GLIS1: variants seen among roughly 807,000 people sequenced by gnomAD.
GLIS1 encodes the protein GLIS family zinc finger 1.
Under a neutral mutation model 63.8 loss-of-function variants are expected in GLIS1, and 24 were observed. That is an observed-to-expected ratio of 0.38 (90% confidence interval 0.27 to 0.53). The LOEUF is 0.53. Ranked by LOEUF, GLIS1 falls within the 20% of genes least tolerant of loss-of-function variation. GLIS1 has a pLI of 0.85. For synonymous variants in GLIS1, 450 were observed against 482.5 expected (o/e 0.93, Z 0.88); for missense variants, 1,036 against 1,074.1 (o/e 0.96, Z 0.50).
At chr1:53,716,282 AG>A (rs1219480198) in intron 2 of GLIS1, among the ~76,000 whole-genome samples, 3 of 152,136 alleles carry the variant, frequency 2.0e-5, no homozygotes, top group Non-Finnish European at 4.4e-5. Flanking sequence ...TGAGAACAAC[AG>A]GGGGAGAGGG....
chr1:53,693,924 G>A (rs1210936897), intron 2 of GLIS1, among the ~76,000 whole-genome samples: 1 of 152,234 alleles, frequency 6.6e-6, no homozygotes, highest in Non-Finnish European at 1.5e-5. Context: ...GACATGAGGA[G>A]GCTGTGTCAT....
At chr1:53,643,152 G>T (rs1363074335) in intron 2 of GLIS1, among the ~76,000 whole-genome samples, 3 of 152,196 alleles carry the variant, frequency 2.0e-5, no homozygotes, top group Non-Finnish European at 4.4e-5. Flanking sequence ...GCTTCATATG[G>T]AAGGAATCAA....
intron 2 of GLIS1, among the ~76,000 whole-genome samples, chr1:53,626,487 C>A (rs1392727274): frequency 3.3e-5 from 5 of 152,218 alleles, no homozygotes; most frequent in Admixed American, 2.0e-4. Flanking sequence ...GCCGTGGAGG[C>A]CCTCCCTGAC....
chr1:53,723,958 C>T (rs144708862), intron 2 of GLIS1, among the ~76,000 whole-genome samples: 1 of 152,182 alleles, frequency 6.6e-6, no homozygotes, highest in Admixed American at 6.5e-5. Context: ...CTCTGGGTTA[C>T]CCGCTAAGGA....
rs142990976 is a variant in GLIS1 at position 53,685,648 on chromosome 1, T to G, written c.259+52158A>C. Among the ~76,000 whole-genome samples the G allele has an allele frequency of 2.8e-3, 432 of 152,332 alleles. 4 individuals are homozygous for G. Among genetic ancestry groups the G allele is most frequent in the African/African-American group, 8.8e-3 (366 of 41,568 alleles). ...CCAACAAGTTATTTCCTGAGACAAC[T>G]GTCACTTCCCTCCTTGCCTGTGACT... On this transcript the variant is annotated intron_variant, in intron 2 of 10. Transcript: ENST00000628545.
intron 2 of GLIS1, among the ~76,000 whole-genome samples, chr1:53,620,545 G>A (rs771699631): frequency 1.3e-5 from 2 of 152,252 alleles, no homozygotes; most frequent in Non-Finnish European, 2.9e-5. Context: ...CAACAAGATG[G>A]ATGTTGTTTC....
intron 4 of GLIS1, among the ~76,000 whole-genome samples, chr1:53,573,233 AT>A (rs1353156551): frequency 1.3e-5 from 2 of 152,176 alleles, no homozygotes; most frequent in East Asian, 3.9e-4. Flanking sequence ...TGGAAACCTC[AT>A]CCCTTCTGTC....
At chr1:53,573,305 A>G (rs1645001032) in intron 4 of GLIS1, among the ~76,000 whole-genome samples, 1 of 152,112 alleles carries the variant, frequency 6.6e-6, no homozygotes, top group African/African-American at 2.4e-5. Context: ...AACCTATTTC[A>G]ATAGCTTTCT....
intron 2 of GLIS1, among the ~76,000 whole-genome samples, chr1:53,687,569 G>A (rs1465128197): frequency 2.0e-5 from 3 of 152,082 alleles, no homozygotes; most frequent in African/African-American, 7.2e-5. Context: ...CCTGCTGTCG[G>A]GTGGTTCTGT....
At chr1:53,657,100 C>G (rs1483044110) in intron 2 of GLIS1, among the ~76,000 whole-genome samples, 1 of 152,194 alleles carries the variant, frequency 6.6e-6, no homozygotes, top group East Asian at 1.9e-4. Flanking sequence ...TTTGCCACCC[C>G]CGGGCTAATG....
At chr1:53,724,328 A>C (rs553672663) in intron 2 of GLIS1, among the ~76,000 whole-genome samples, 1 of 152,344 alleles carries the variant, frequency 6.6e-6, no homozygotes, top group African/African-American at 2.4e-5. Flanking sequence ...TGACGGAGGA[A>C]ATGCTCTATA....
intron 2 of GLIS1, among the ~76,000 whole-genome samples, chr1:53,733,353 T>G (rs1014409103): frequency 1.3e-5 from 2 of 152,144 alleles, no homozygotes; most frequent in African/African-American, 4.8e-5. Context: ...ATAAAGAAAT[T>G]TACATTTTTA....
chr1:53,687,130 A>G (rs963962094), intron 2 of GLIS1, among the ~76,000 whole-genome samples: 4 of 152,222 alleles, frequency 2.6e-5, no homozygotes, highest in Non-Finnish European at 5.9e-5. Context: ...AAGTTAAGGA[A>G]AGGTTTTCCC....
intron 4 of GLIS1, among the ~76,000 whole-genome samples, chr1:53,561,468 G>A (rs1405568270): frequency 6.6e-6 from 1 of 152,220 alleles, no homozygotes; most frequent in Non-Finnish European, 1.5e-5. Flanking sequence ...GGCACTGTAT[G>A]TCTTTACATT....
chr1:53,556,840 ATG>A (rs751982257), intron 4 of GLIS1, among the ~76,000 whole-genome samples: 3 of 120,138 alleles, frequency 2.5e-5, no homozygotes, highest in African/African-American at 9.8e-5. Flanking sequence ...GTACTGCAGC[ATG>A]TGTGTGTGTG....
chr1:53,570,227 C>T (rs1644971586), intron 4 of GLIS1, among the ~76,000 whole-genome samples: 1 of 151,964 alleles, frequency 6.6e-6, no homozygotes, highest in Admixed American at 6.6e-5. Context: ...AGCAATCTTC[C>T]TACCTCAGCC....
At chr1:53,589,979 A>G (rs1274352659) in intron 4 of GLIS1, among the ~76,000 whole-genome samples, 1 of 152,204 alleles carries the variant, frequency 6.6e-6, no homozygotes. Context: ...CCCTACTGAC[A>G]GCAGAGGCTG....
intron 2 of GLIS1, among the ~76,000 whole-genome samples, chr1:53,618,073 G>A (rs1645501405): frequency 6.6e-6 from 1 of 152,240 alleles, no homozygotes; most frequent in Non-Finnish European, 1.5e-5. Context: ...GTGGGAGAGT[G>A]CAGGGCTGAC....
At chr1:53,520,260 T>G (rs1569737381) in intron 7 of GLIS1, among the ~76,000 whole-genome samples, 1 of 151,038 alleles carries the variant, frequency 6.6e-6, no homozygotes, top group Non-Finnish European at 1.5e-5. Flanking sequence ...TGTCCGGGGG[T>G]CGGGGGGAGC....
Sources: gnomAD v4.1 joint callset for allele counts (sites outside exome capture counted in the v4.1 genomes callset) on GRCh38, gnomAD v4.1.1 for gene constraint, MANE v1.5 for transcripts, NCBI Gene and HGNC (gene_info 2026-07-23, HGNC 2026-07-21) for gene names.